Variants in TRPC4AP observed in about 807,000 individuals in gnomAD.
The protein encoded by TRPC4AP is transient receptor potential cation channel subfamily C member 4 associated protein, also known as short transient receptor potential channel 4-associated protein.
TRPC4AP carries 45 observed loss-of-function variants against 99.0 expected under a neutral mutation model. The observed-to-expected ratio is 0.45, with a 90% CI of 0.36 to 0.58. The LOEUF (loss-of-function observed/expected upper bound fraction) is 0.58, where lower values mean the gene tolerates loss of function less well. TRPC4AP is among the 20% of genes least tolerant of loss of function. The pLI, the probability that TRPC4AP is intolerant of heterozygous loss-of-function variation, is 0.00. For missense variants in TRPC4AP, 879 were observed against 985.3 expected, an observed-to-expected ratio of 0.89 and a Z score of 1.44; for synonymous variants, 408 against 385.8, an observed-to-expected ratio of 1.06 and a Z score of -0.67.
chr20:35,024,391 T>C (rs1271604885), intron 8 of TRPC4AP, among the ~76,000 whole-genome samples: 2 of 152,194 alleles, frequency 1.3e-5, no homozygotes, highest in African/African-American at 4.8e-5. Context: ...TTCAGGACAC[T>C]TCATATTAAT....
chr20:35,025,281 A>G (rs1420521801), intron 8 of TRPC4AP, among the ~76,000 whole-genome samples: 1 of 152,148 alleles, frequency 6.6e-6, no homozygotes, highest in African/African-American at 2.4e-5. Flanking sequence ...TCTGGACCCA[A>G]ACAATCCTCC....
intron 3 of TRPC4AP, among the ~76,000 whole-genome samples, chr20:35,060,491 C>T (rs530770470): frequency 2.0e-5 from 3 of 146,434 alleles, no homozygotes; most frequent in South Asian, 4.3e-4. Flanking sequence ...CTCAGGAGGC[C>T]GAGATAGGAG....
intron 1 of TRPC4AP, among the ~76,000 whole-genome samples, chr20:35,087,523 T>C (rs950452520): frequency 1.3e-5 from 2 of 152,114 alleles, no homozygotes; most frequent in African/African-American, 4.8e-5. Context: ...TGGCGGGTCA[T>C]GACCTGTAAT....
intron 8 of TRPC4AP, among the ~76,000 whole-genome samples, chr20:35,034,905 A>T (rs2083284330): frequency 6.6e-6 from 1 of 152,218 alleles, no homozygotes; most frequent in African/African-American, 2.4e-5. Flanking sequence ...TCTGCAACAA[A>T]GCCCTTCTCC....
intron 1 of TRPC4AP, among the ~76,000 whole-genome samples, chr20:35,086,320 A>C (rs893211770): frequency 2.0e-5 from 3 of 151,910 alleles, no homozygotes; most frequent in African/African-American, 4.8e-5. Flanking sequence ...CTGACAATAC[A>C]TGTTAACCAC....
intron 8 of TRPC4AP, among the ~76,000 whole-genome samples, chr20:35,034,579 T>C (rs2083275096): frequency 6.6e-6 from 1 of 152,006 alleles, no homozygotes; most frequent in Non-Finnish European, 1.5e-5. Context: ...TATTCCTTGT[T>C]TGGGAGCTGA....
At position 35,002,969 on chromosome 20, in the gene TRPC4AP, G is replaced by C. The variant is rs747364720; in HGVS notation, c.*177C>G. The C allele has an allele frequency of 1.3e-6, 1 of 776,310 alleles. No homozygotes were observed. The highest frequency in any genetic ancestry group is 2.0e-6 in the Non-Finnish European group (1 of 494,486). 48.1% of individuals were successfully genotyped at this position (776,310 alleles called of 1,614,324 possible). ...GGGACTGAGGCTCTCCATGACCTAG[G>C]GCCCTCAGACCCAGGGGGACCAAGG... On this transcript the variant is annotated 3_prime_UTR_variant, in exon 19 of 19. Coordinates refer to ENST00000252015, the MANE Select transcript of TRPC4AP (RefSeq NM_015638.3).
chr20:35,074,071 A>C (rs2084401033), intron 2 of TRPC4AP, among the ~76,000 whole-genome samples: 1 of 152,182 alleles, frequency 6.6e-6, no homozygotes, highest in Non-Finnish European at 1.5e-5. Context: ...AGAGGTGTTT[A>C]TAGTATTCTC....
chr20:35,091,623 G>C (rs1471496427), intron 1 of TRPC4AP, among the ~76,000 whole-genome samples: 1 of 151,940 alleles, frequency 6.6e-6, no homozygotes, highest in Non-Finnish European at 1.5e-5. Flanking sequence ...TGTTAGCAAG[G>C]TTCGGGGTGG....
chr20:35,020,108 C>T (rs182159849), intron 9 of TRPC4AP, among the ~76,000 whole-genome samples: 304 of 152,286 alleles, frequency 2.0e-3, no homozygotes, highest in Non-Finnish European at 3.4e-3. Flanking sequence ...AAACCATCAG[C>T]AAATCCTATC....
chr20:35,077,590 G>A (rs1403919946), intron 2 of TRPC4AP, among the ~76,000 whole-genome samples: 1 of 152,186 alleles, frequency 6.6e-6, no homozygotes, highest in Non-Finnish European at 1.5e-5. Context: ...AATTATCCTA[G>A]CATAATGTCT....
intron 3 of TRPC4AP, among the ~76,000 whole-genome samples, chr20:35,061,279 G>GT (rs1355391733): frequency 1.5e-4 from 23 of 152,154 alleles, no homozygotes; most frequent in African/African-American, 5.5e-4. Flanking sequence ...TTAGAAATAA[G>GT]TTTAACAAGT....
rs1177182611 is a variant in TRPC4AP at position 35,049,996 on chromosome 20, T to C, written c.529-2A>G. The C allele has an allele frequency of 1.9e-6, 3 of 1,612,852 alleles. No homozygotes were observed. The Admixed American group carries it at 5.0e-5, about 27-fold the overall frequency. On this transcript the variant is annotated splice_acceptor_variant, in intron 5 of 18. Coordinates refer to ENST00000252015, the MANE Select transcript of TRPC4AP (RefSeq NM_015638.3). LOFTEE classifies it high-confidence loss of function. ...CAAACGCTTTGTAACTCCCTCTGTC[T>C]GTCACAAGAAGAAAAGGCAGAATAG...
chr20:35,002,406 AT>A lies in TRPC4AP; in HGVS notation c.*739del. The A allele has an allele frequency of 2.3e-6, 1 of 427,912 alleles. No homozygotes were observed. The highest frequency in any genetic ancestry group is 4.1e-6 in the Non-Finnish European group (1 of 246,698). 26.5% of individuals were successfully genotyped at this position (427,912 alleles called of 1,614,324 possible). Reference sequence around the variant, plus strand: ...GACAAAAGCCAGGTCCACAGCAGTCATTTTTAAAATAAAGTTATTTAATAGT... The same window carrying A: ...GACAAAAGCCAGGTCCACAGCAGTCATTTTAAAATAAAGTTATTTAATAGT... On this transcript the variant is annotated 3_prime_UTR_variant, in exon 19 of 19. Coordinates refer to ENST00000252015, the MANE Select transcript of TRPC4AP (RefSeq NM_015638.3).
chr20:35,066,969 A>G (rs1218681668), intron 3 of TRPC4AP, among the ~76,000 whole-genome samples: 1 of 152,212 alleles, frequency 6.6e-6, no homozygotes, highest in African/African-American at 2.4e-5. Context: ...GTCATAGAAG[A>G]ATGAATTTTA....
At chr20:35,078,399 A>G (rs1371030765) in intron 1 of TRPC4AP, among the ~76,000 whole-genome samples, 1 of 152,226 alleles carries the variant, frequency 6.6e-6, no homozygotes, top group Non-Finnish European at 1.5e-5. Context: ...TACCACTCAC[A>G]AACAGCACAA....
intron 11 of TRPC4AP, among the ~76,000 whole-genome samples, chr20:35,012,358 T>C (rs998135802): frequency 1.3e-5 from 2 of 152,234 alleles, no homozygotes; most frequent in Non-Finnish European, 1.5e-5. Flanking sequence ...TCAGAAGTTA[T>C]GCAACAGTGG....
At position 35,044,544 on chromosome 20, in the gene TRPC4AP, TCTTC is replaced by T; in HGVS notation, c.822_825del (p.Lys275AlafsTer2). 1 of 1,614,170 alleles carries T rather than the reference TCTTC, an allele frequency of 6.2e-7. No individual in the cohort carries two copies. The highest frequency in any genetic ancestry group is 8.5e-7 in the Non-Finnish European group (1 of 1,180,020). On this transcript the variant is annotated frameshift_variant, in exon 7 of 19. Transcript: ENST00000252015. LOFTEE classifies it high-confidence loss of function. ...GCTGCAGAAGGCCCCAAACTCAAGC[TCTTC>T]TTCTGTTGAGCATTTTTGGCAAGAA...
At position 35,007,644 on chromosome 20, in the gene TRPC4AP, C is replaced by G. The variant is rs377285273; in HGVS notation, c.1596-4G>C. The G allele has an allele frequency of 2.8e-5, 46 of 1,614,042 alleles. No homozygotes were observed. Among genetic ancestry groups the G allele is most frequent in the Non-Finnish European group, 3.6e-5 (43 of 1,180,002 alleles). ...CACAGCCCGAGCTTGCCAAAACCTG[C>G]GACCCAAATACTGGCTCAGGTGGCT... On this transcript the variant is annotated splice_region_variant and splice_polypyrimidine_tract_variant and intron_variant, in intron 13 of 18. Transcript: ENST00000252015.
Sources: gnomAD v4.1 joint callset for allele counts (sites outside exome capture counted in the v4.1 genomes callset) on GRCh38, gnomAD v4.1.1 for gene constraint, MANE v1.5 for transcripts, NCBI Gene and HGNC (gene_info 2026-07-23, HGNC 2026-07-21) for gene names.